Variants in NEGR1 observed in about 807,000 individuals in gnomAD.
NEGR1 encodes the protein neuronal growth regulator 1.
In NEGR1, 10 loss-of-function variants were observed where a neutral mutation model predicts 40.9. The observed-to-expected ratio is 0.24, with a 90% CI of 0.15 to 0.42. The LOEUF (loss-of-function observed/expected upper bound fraction) is 0.42, where lower values mean the gene tolerates loss of function less well. Ranked by LOEUF, NEGR1 falls within the 10% of genes least tolerant of loss-of-function variation. The pLI is 1.00. For synonymous variants in NEGR1, 185 were observed against 166.8 expected (o/e 1.11, Z -0.84); for missense variants, 352 against 438.9 (o/e 0.80, Z 1.77).
At chr1:72,122,213 G>C (rs1298205423) in intron 1 of NEGR1, among the ~76,000 whole-genome samples, 1 of 151,938 alleles carries the variant, frequency 6.6e-6, no homozygotes, top group Non-Finnish European at 1.5e-5. Flanking sequence ...TCTATTTCCA[G>C]AAAACATTAA....
At chr1:71,624,432 C>T (rs1650703223) in intron 4 of NEGR1, among the ~76,000 whole-genome samples, 1 of 151,962 alleles carries the variant, frequency 6.6e-6, no homozygotes, top group African/African-American at 2.4e-5. Flanking sequence ...ATCCTACATC[C>T]TTGCTACACA....
rs568570516 is a variant in NEGR1, at chr1:71,570,967, T to G, written c.940+21850A>C. 5 of 152,282 alleles carry G rather than the reference T, an allele frequency of 3.3e-5. No homozygotes were observed. The East Asian group carries it at 9.7e-4, about 29-fold the overall frequency. 9.4% of individuals were successfully genotyped at this position (152,282 alleles called of 1,614,324 possible). A position where few individuals can be genotyped will look rare whatever the true frequency, so the allele number is the denominator to read the frequency against. On this transcript the variant is annotated intron_variant, in intron 6 of 6. Coordinates refer to ENST00000357731, the MANE Select transcript of NEGR1 (RefSeq NM_173808.3). ...CTTTGATACCAGGTATGTGAGCTAA[T>G]TGCCAAATTACTGATGTCTATCTTT... is the stretch of plus-strand genomic sequence containing the variant.
intron 6 of NEGR1, among the ~76,000 whole-genome samples, chr1:71,477,118 T>G (rs906488886): frequency 9.9e-5 from 15 of 152,160 alleles, no homozygotes; most frequent in African/African-American, 3.6e-4. Context: ...TCAAGTATTT[T>G]GATGAATATT....
chr1:71,412,519 A>T (rs1646329977), intron 6 of NEGR1, among the ~76,000 whole-genome samples: 1 of 152,186 alleles, frequency 6.6e-6, no homozygotes, highest in Non-Finnish European at 1.5e-5. Context: ...GTGCATCTGA[A>T]TCTTATATCA....
intron 6 of NEGR1, among the ~76,000 whole-genome samples, chr1:71,448,501 C>T (rs756683085): frequency 3.0e-4 from 45 of 152,052 alleles, no homozygotes; most frequent in African/African-American, 9.6e-4. Flanking sequence ...CAGGAGGCTG[C>T]GGCAGGAGAA....
chr1:71,710,123 C>A (rs762073433), intron 3 of NEGR1, among the ~76,000 whole-genome samples: 6 of 152,106 alleles, frequency 3.9e-5, no homozygotes, highest in Non-Finnish European at 5.9e-5. Flanking sequence ...AAATAGCAAA[C>A]AGGCATTTGA....
At chr1:72,022,904 A>C (rs1646773751) in intron 1 of NEGR1, among the ~76,000 whole-genome samples, 1 of 152,188 alleles carries the variant, frequency 6.6e-6, no homozygotes, top group Non-Finnish European at 1.5e-5. Context: ...AATTTTTAAA[A>C]GGTGACAAGG....
chr1:72,103,969 A>C (rs1352964577), intron 1 of NEGR1, among the ~76,000 whole-genome samples: 1 of 152,138 alleles, frequency 6.6e-6, no homozygotes, highest in Non-Finnish European at 1.5e-5. Flanking sequence ...TTAATTTATA[A>C]AATCCATATG....
intron 2 of NEGR1, among the ~76,000 whole-genome samples, chr1:71,898,995 T>TATATA (rs1661067918): frequency 1.3e-5 from 1 of 77,152 alleles, no homozygotes; most frequent in African/African-American, 3.8e-5. Context: ...TATATATATA[T>TATATA]ATATATATAT....
chr1:71,774,704 C>T (rs1656442676), intron 3 of NEGR1, among the ~76,000 whole-genome samples: 1 of 151,670 alleles, frequency 6.6e-6, no homozygotes, highest in African/African-American at 2.4e-5. Flanking sequence ...AAATATGAAA[C>T]AAAATCAAAT....
At chr1:71,517,533 A>T (rs1488726396) in intron 6 of NEGR1, among the ~76,000 whole-genome samples, 2 of 140,446 alleles carry the variant, frequency 1.4e-5, no homozygotes, top group African/African-American at 2.9e-5. Flanking sequence ...ACAACCCTTC[A>T]TGCTAAAAAC....
At chr1:72,093,439 C>T (rs1201663039) in intron 1 of NEGR1, among the ~76,000 whole-genome samples, 1 of 151,828 alleles carries the variant, frequency 6.6e-6, no homozygotes, top group Admixed American at 6.6e-5. Context: ...ATGTAATTGG[C>T]TTCTGAGTTC....
intron 1 of NEGR1, among the ~76,000 whole-genome samples, chr1:72,164,016 A>AT (rs56300595): frequency 0.01 from 1,524 of 148,374 alleles, 26 homozygotes; most frequent in African/African-American, 0.033. Context: ...TCAGACAAGT[A>AT]TTTTTTTTTT....
chr1:72,040,215 C>T (rs1263810186), intron 1 of NEGR1, among the ~76,000 whole-genome samples: 6 of 151,824 alleles, frequency 4.0e-5, no homozygotes, highest in Non-Finnish European at 8.8e-5. Context: ...TCATAGTCTT[C>T]CCCCGAATCC....
At chr1:71,771,101 C>G (rs898851642) in intron 3 of NEGR1, among the ~76,000 whole-genome samples, 5 of 152,158 alleles carry the variant, frequency 3.3e-5, no homozygotes, top group Non-Finnish European at 7.3e-5. Context: ...CATATATACA[C>G]CATGGAATAC....
intron 1 of NEGR1, among the ~76,000 whole-genome samples, chr1:72,127,192 G>T (rs1320489136): frequency 6.6e-6 from 1 of 152,052 alleles, no homozygotes; most frequent in Non-Finnish European, 1.5e-5. Context: ...GGTGGCTCAC[G>T]CCTGTAATCC....
intron 6 of NEGR1, among the ~76,000 whole-genome samples, chr1:71,563,872 G>A (rs1206348447): frequency 1.3e-5 from 2 of 151,696 alleles, no homozygotes; most frequent in Non-Finnish European, 2.9e-5. Flanking sequence ...GACACAATTT[G>A]ACTTGAAAAT....
intron 1 of NEGR1, among the ~76,000 whole-genome samples, chr1:71,989,865 AT>A (rs1349004955): frequency 2.0e-5 from 3 of 152,112 alleles, no homozygotes; most frequent in Admixed American, 2.0e-4. Flanking sequence ...TTTATATACC[AT>A]TGCAGTTAAT....
chr1:71,602,046 T>C (rs1001523001), intron 5 of NEGR1, among the ~76,000 whole-genome samples: 2 of 152,116 alleles, frequency 1.3e-5, no homozygotes, highest in African/African-American at 4.8e-5. Flanking sequence ...CCTCAATAGC[T>C]TTCCAATACT....
Sources: allele counts gnomAD v4.1 joint callset (sites outside exome capture counted in the v4.1 genomes callset), GRCh38; gene constraint gnomAD v4.1.1; transcripts MANE v1.5; gene names NCBI Gene and HGNC (gene_info 2026-07-23, HGNC 2026-07-21).